Variants in RAP1B observed in about 807,000 individuals in gnomAD.
The protein encoded by RAP1B is ras-related protein Rap-1b.
A neutral mutation model predicts 27.5 loss-of-function variants in RAP1B; 1 was observed. That is an observed-to-expected ratio of 0.04 (90% CI 0.01 to 0.17). The LOEUF is 0.17. Ranked by LOEUF, RAP1B falls within the 10% of genes least tolerant of loss-of-function variation. The pLI, the probability that RAP1B is intolerant of heterozygous loss-of-function variation, is 1.00. For synonymous variants in RAP1B, 75 were observed against 73.1 expected (o/e 1.03, Z -0.13); for missense variants, 84 against 214.8 (o/e 0.39, Z 3.81).
At chr12:68,627,082 T>C (rs1871848636) in intron 1 of RAP1B, 2 of 1,593,372 alleles carry the variant, frequency 1.3e-6, no homozygotes, top group Admixed American at 1.7e-5. Flanking sequence ...ACATGCTCCT[T>C]GTTCTGCAGC....
At chr12:68,624,079 C>T (rs994605269) in intron 1 of RAP1B, among the ~76,000 whole-genome samples, 1 of 151,542 alleles carries the variant, frequency 6.6e-6, no homozygotes, top group Admixed American at 6.6e-5. Flanking sequence ...GTTAAAAAGG[C>T]TTTATTCATT....
intron 1 of RAP1B, among the ~76,000 whole-genome samples, chr12:68,634,259 A>G (rs971870963): frequency 3.9e-5 from 6 of 152,198 alleles, no homozygotes; most frequent in African/African-American, 1.2e-4. Context: ...GCATAGGGTA[A>G]GTTATTTCAT....
intron 1 of RAP1B, among the ~76,000 whole-genome samples, chr12:68,641,328 A>T (rs2135948205): frequency 6.6e-6 from 1 of 152,230 alleles, no homozygotes; most frequent in East Asian, 1.9e-4. Context: ...CTTTCATTTC[A>T]AACAGTTATG....
intron 1 of RAP1B, among the ~76,000 whole-genome samples, chr12:68,639,218 C>T (rs1872828210): frequency 6.6e-6 from 1 of 152,106 alleles, no homozygotes; most frequent in African/African-American, 2.4e-5. Flanking sequence ...ATGTTATTAC[C>T]TAATAAGACC....
rs2135950773 is a variant in RAP1B at position 68,643,036 on chromosome 12, A to C, written c.-26-5663A>C. The C allele has an allele frequency of 6.8e-6, 5 of 738,276 alleles. No homozygotes were observed. In the East Asian group the frequency reaches 9.8e-5, roughly 14 times the overall value. 45.7% of individuals were successfully genotyped at this position (738,276 alleles called of 1,614,324 possible). A position where few individuals can be genotyped will look rare whatever the true frequency, so the allele number is the denominator to read the frequency against. On this transcript the variant is annotated intron_variant, in intron 1 of 7. Coordinates refer to ENST00000250559, the MANE Select transcript of RAP1B (RefSeq NM_001010942.3). ...ACCCTGGCTGCCCACGGTCCACTGC[A>C]GCCGCCTTTAACTTCTTGAAGGTTG...
intron 2 of RAP1B, 58 bp downstream of exon 2, chr12:68,648,839 GT>G: frequency 6.9e-7 from 1 of 1,449,678 alleles, no homozygotes; most frequent in Non-Finnish European, 9.4e-7. Context: ...TTTCTGTTGA[GT>G]TTTAGGTTTT....
intron 6 of RAP1B, 191 bp downstream of exon 6, chr12:68,656,640 C>A: frequency 1.7e-6 from 1 of 602,574 alleles, no homozygotes; most frequent in Non-Finnish European, 2.9e-6. Context: ...CTATTAAATA[C>A]TTGTACATTG....
At chr12:68,625,199 T>G (rs1871665856) in intron 1 of RAP1B, among the ~76,000 whole-genome samples, 2 of 152,364 alleles carry the variant, frequency 1.3e-5, no homozygotes, top group African/African-American at 4.8e-5. Flanking sequence ...GAAAGCCCAA[T>G]GTAAGCATTA....
chr12:68,628,106 TA>T (rs1320849752), intron 1 of RAP1B, among the ~76,000 whole-genome samples: 1 of 152,050 alleles, frequency 6.6e-6, no homozygotes, highest in Non-Finnish European at 1.5e-5. Flanking sequence ...CCCTGTCTCT[TA>T]AAAAGAAGGA....
At chr12:68,622,922 G>GA in intron 1 of RAP1B, among the ~76,000 whole-genome samples, 1 of 152,224 alleles carries the variant, frequency 6.6e-6, no homozygotes. Context: ...GGCTAGTCTG[G>GA]AACTACTGGG....
chr12:68,658,346 A>C (rs905349097), intron 7 of RAP1B, among the ~76,000 whole-genome samples: 1 of 152,294 alleles, frequency 6.6e-6, no homozygotes, highest in South Asian at 2.1e-4. Context: ...GAGCTCACAC[A>C]CTTCCATCTG....
At position 68,661,050 on chromosome 12, in the gene RAP1B, A is replaced by C. The variant is rs1227658149; in HGVS notation, c.*1801A>C. 3 of 152,084 alleles carry C rather than the reference A, an allele frequency of 2.0e-5. No homozygotes were observed. Among genetic ancestry groups the C allele is most frequent in the Admixed American group, 2.0e-4 (3 of 15,266 alleles). The allele number at this position is 152,084 out of a possible 1,614,324, so 9.4% of individuals were successfully genotyped here. A position where few individuals can be genotyped will look rare whatever the true frequency, so the allele number is the denominator to read the frequency against. Reference sequence around the variant, plus strand: ...TTAAAAATTGTAAAGCTCTTAAAAAACTTTTTGAAAGTATTTGCCAGCTAC... The same window carrying C: ...TTAAAAATTGTAAAGCTCTTAAAAACCTTTTTGAAAGTATTTGCCAGCTAC... On this transcript the variant is annotated 3_prime_UTR_variant, in exon 8 of 8. Transcript: ENST00000250559.
At chr12:68,641,706 C>T (rs1456116222) in intron 1 of RAP1B, among the ~76,000 whole-genome samples, 1 of 151,176 alleles carries the variant, frequency 6.6e-6, no homozygotes, top group East Asian at 1.9e-4. Context: ...TAAAAACTAC[C>T]CAAAAAATAT....
chr12:68,633,739 G>A lies in RAP1B; in HGVS notation c.-26-14960G>A, dbSNP rs369597058. Among the ~76,000 whole-genome samples, 33 of 152,210 alleles carry A rather than the reference G, an allele frequency of 2.2e-4. No homozygotes were observed. In the East Asian group the frequency reaches 4.6e-3, roughly 21 times the overall value. ...ACAAAAATTAGCCAGGCATGGTGGC[G>A]TGTGCTCGTAGTCCCAGCTACTCAG... is the stretch of plus-strand genomic sequence containing the variant. On this transcript the variant is annotated intron_variant, in intron 1 of 7. Coordinates refer to ENST00000250559, the MANE Select transcript of RAP1B (RefSeq NM_001010942.3).
At position 68,669,408 on chromosome 12, in the gene RAP1B, T is replaced by C. The variant is rs1237241448; in HGVS notation, c.*10159T>C. ...TTTTTTAATAGACTGGATGTTGGTC[T>C]TGAACTCCTGGGCTCAAGCAAGTGT... On this transcript the variant is annotated 3_prime_UTR_variant, in exon 8 of 8. Transcript: ENST00000250559. 1.3e-5 allele frequency: 2 copies of C among 152,210 alleles called. No homozygotes were observed. The highest frequency in any genetic ancestry group is 1.9e-4 in the East Asian group (1 of 5,198). 9.4% of individuals were successfully genotyped at this position (152,210 alleles called of 1,614,324 possible).
intron 1 of RAP1B, among the ~76,000 whole-genome samples, chr12:68,625,385 G>A (rs552685775): frequency 1.2e-4 from 19 of 152,336 alleles, no homozygotes; most frequent in South Asian, 4.1e-4. Context: ...CAGTGCGTGC[G>A]TAAGCAGGTA....
intron 1 of RAP1B, among the ~76,000 whole-genome samples, chr12:68,629,606 A>G (rs1334844884): frequency 6.6e-6 from 1 of 152,088 alleles, no homozygotes; most frequent in Non-Finnish European, 1.5e-5. Flanking sequence ...TTTATCTATA[A>G]ATCTTAAAGT....
In RAP1B at chr12:68,656,232, C is replaced by G. The variant is rs908555870; in HGVS notation, c.325-74C>G. ...TGAAAAGTAATTCTTAGATTTGACT[C>G]TTAGAATTCTTTTGATTTGAATTCA... On this transcript the variant is annotated intron_variant, in intron 5 of 7. Transcript: ENST00000250559. 32 of 1,337,922 alleles carry G rather than the reference C, an allele frequency of 2.4e-5. 1 individual carries two copies. In the Middle Eastern group the frequency reaches 7.7e-4, roughly 32 times the overall value. The allele number at this position is 1,337,922 out of a possible 1,614,324, so 82.9% of individuals were successfully genotyped here. A position where few individuals can be genotyped will look rare whatever the true frequency, so the allele number is the denominator to read the frequency against.
intron 1 of RAP1B, among the ~76,000 whole-genome samples, chr12:68,623,999 C>T (rs1160169146): frequency 7.0e-6 from 1 of 141,866 alleles, no homozygotes; most frequent in East Asian, 2.0e-4. Flanking sequence ...CCAGCCTGGG[C>T]GACAGAGTGA....
Sources: allele counts gnomAD v4.1 joint callset (sites outside exome capture counted in the v4.1 genomes callset), GRCh38; gene constraint gnomAD v4.1.1; transcripts MANE v1.5; gene names NCBI Gene and HGNC (gene_info 2026-07-23, HGNC 2026-07-21).